The following KIAA1217 variants were observed in gnomAD, a reference collection of about 807,000 sequenced individuals.
KIAA1217 encodes the protein sickle tail protein homolog.
In KIAA1217, 88 loss-of-function variants were observed where a neutral mutation model predicts 163.9. That is an observed-to-expected ratio of 0.54 (90% CI 0.45 to 0.64). The LOEUF (loss-of-function observed/expected upper bound fraction) is 0.64. KIAA1217 is among the 30% of genes least tolerant of loss of function. The pLI is 0.00. For missense variants in KIAA1217, 2,372 were observed against 2,475.0 expected (o/e 0.96, Z 0.88); for synonymous variants, 903 against 923.1 (o/e 0.98, Z 0.39).
chr10:24,447,669 C>T (rs1227921068), intron 5 of KIAA1217, among the ~76,000 whole-genome samples: 1 of 152,192 alleles, frequency 6.6e-6, no homozygotes, highest in Non-Finnish European at 1.5e-5. Flanking sequence ...CTATCACCAA[C>T]TTTCAGTTAA....
At chr10:24,308,956 C>T (rs927118805) in intron 2 of KIAA1217, among the ~76,000 whole-genome samples, 2 of 151,844 alleles carry the variant, frequency 1.3e-5, no homozygotes, top group Non-Finnish European at 2.9e-5. Context: ...AATGCTGTCT[C>T]TACTAAAATT....
intron 5 of KIAA1217, among the ~76,000 whole-genome samples, chr10:24,466,975 A>G (rs1042768808): frequency 9.9e-5 from 15 of 152,154 alleles, no homozygotes; most frequent in Non-Finnish European, 1.8e-4. Context: ...ATATATATAT[A>G]TAAATGCTCC....
intron 1 of KIAA1217, among the ~76,000 whole-genome samples, chr10:23,764,345 C>G (rs750203019): frequency 2.3e-4 from 35 of 152,174 alleles, no homozygotes; most frequent in Non-Finnish European, 4.4e-4. Flanking sequence ...AACACTTTTA[C>G]ACTGTTGATG....
At chr10:23,803,996 G>T (rs1474070063) in intron 1 of KIAA1217, among the ~76,000 whole-genome samples, 1 of 151,976 alleles carries the variant, frequency 6.6e-6, no homozygotes, top group Non-Finnish European at 1.5e-5. Context: ...TATAAATATG[G>T]AAAAATATAG....
chr10:23,819,384 G>A (rs1837513366), intron 1 of KIAA1217, among the ~76,000 whole-genome samples: 1 of 152,074 alleles, frequency 6.6e-6, no homozygotes, highest in African/African-American at 2.4e-5. Flanking sequence ...GGAGATAGCT[G>A]GAATTCAGGA....
chr10:24,345,188 AT>A (rs1436702384), intron 2 of KIAA1217, among the ~76,000 whole-genome samples: 15 of 152,248 alleles, frequency 9.9e-5, no homozygotes, highest in Non-Finnish European at 1.9e-4. Context: ...AATGAACTTC[AT>A]TTTCCTCCTA....
chr10:23,770,977 T>C (rs1005546870), intron 1 of KIAA1217, among the ~76,000 whole-genome samples: 1 of 152,236 alleles, frequency 6.6e-6, no homozygotes, highest in East Asian at 1.9e-4. Flanking sequence ...CAACACTCTT[T>C]CTTTCTGTGA....
chr10:24,185,273 C>T (rs1412995724), intron 2 of KIAA1217, among the ~76,000 whole-genome samples: 1 of 152,158 alleles, frequency 6.6e-6, no homozygotes, highest in Non-Finnish European at 1.5e-5. Flanking sequence ...GGGTAGGTTA[C>T]AGTTACATAC....
At chr10:24,182,052 AC>A (rs2066196215) in intron 2 of KIAA1217, among the ~76,000 whole-genome samples, 1 of 152,224 alleles carries the variant, frequency 6.6e-6, no homozygotes, top group African/African-American at 2.4e-5. Context: ...GTGTTTATCT[AC>A]CAAAAGGGTC....
chr10:24,519,751 C>G (rs2070786155), intron 10 of KIAA1217, among the ~76,000 whole-genome samples: 1 of 150,804 alleles, frequency 6.6e-6, no homozygotes, highest in South Asian at 2.1e-4. Flanking sequence ...GTCTCCCTCT[C>G]TCTCTCTTTC....
rs749507039 is a variant in KIAA1217, at chr10:24,546,338, T to A, written c.*14T>A. The A allele has an allele frequency of 1.3e-4, 204 of 1,567,482 alleles. No homozygotes were observed. Among genetic ancestry groups the A allele is most frequent in the Non-Finnish European group, 1.6e-4 (191 of 1,158,348 alleles). On this transcript the variant is annotated 3_prime_UTR_variant, in exon 21 of 21. Coordinates refer to ENST00000376454, the MANE Select transcript of KIAA1217 (RefSeq NM_019590.5). ...GAAACCTCTTAAAGGTCAAATCCTA[T>A]TAGGCACAAGTCGGAGTTACATTTA...
At chr10:23,795,781 G>T (rs748778225) in intron 1 of KIAA1217, among the ~76,000 whole-genome samples, 11 of 152,128 alleles carry the variant, frequency 7.2e-5, no homozygotes, top group Admixed American at 1.3e-4. Context: ...CTTTTCTGAG[G>T]TCTATATGAT....
At chr10:24,396,470 T>C (rs932336365) in intron 3 of KIAA1217, among the ~76,000 whole-genome samples, 7 of 152,032 alleles carry the variant, frequency 4.6e-5, no homozygotes, top group Non-Finnish European at 7.4e-5. Flanking sequence ...ATAAAATATA[T>C]AATAGATGGT....
chr10:24,293,967 G>A (rs1259049322), intron 2 of KIAA1217, among the ~76,000 whole-genome samples: 2 of 152,108 alleles, frequency 1.3e-5, no homozygotes, highest in African/African-American at 4.8e-5. Flanking sequence ...GCCAAGGCGG[G>A]CGGATCACGA....
intron 6 of KIAA1217, among the ~76,000 whole-genome samples, chr10:24,485,559 G>T: frequency 1.3e-5 from 2 of 152,214 alleles, no homozygotes; most frequent in Admixed American, 1.3e-4. Context: ...GCAGTCTCCC[G>T]TGCCCCAGAT....
chr10:24,500,044 G>A (rs1318761594), intron 8 of KIAA1217, among the ~76,000 whole-genome samples: 9 of 152,294 alleles, frequency 5.9e-5, no homozygotes, highest in Middle Eastern at 3.4e-3. Context: ...AAAGGTTCCC[G>A]AAATGACTGA....
intron 3 of KIAA1217, among the ~76,000 whole-genome samples, chr10:24,400,958 A>AACAT (rs2056455206): frequency 1.1e-5 from 1 of 89,844 alleles, no homozygotes; most frequent in East Asian, 3.2e-4. Flanking sequence ...CCAAGCAAGA[A>AACAT]ACATACACAC....
At chr10:23,961,348 AT>A (rs1844813293) in intron 1 of KIAA1217, among the ~76,000 whole-genome samples, 1 of 152,204 alleles carries the variant, frequency 6.6e-6, no homozygotes, top group East Asian at 1.9e-4. Flanking sequence ...ACCAAGAAAC[AT>A]TTTTTAAAGC....
At chr10:24,126,095 GC>G (rs2063463614) in intron 2 of KIAA1217, among the ~76,000 whole-genome samples, 1 of 151,990 alleles carries the variant, frequency 6.6e-6, no homozygotes, top group Non-Finnish European at 1.5e-5. Context: ...TAATGTATAG[GC>G]ATATATCATT....
Sources: gnomAD v4.1 joint callset for allele counts (sites outside exome capture counted in the v4.1 genomes callset) on GRCh38, gnomAD v4.1.1 for gene constraint, MANE v1.5 for transcripts, NCBI Gene and HGNC (gene_info 2026-07-23, HGNC 2026-07-21) for gene names.